Variants in CELA1 observed in about 807,000 individuals in gnomAD.
CELA1 encodes the protein chymotrypsin-like elastase family member 1.
A neutral mutation model predicts 34.8 loss-of-function variants in CELA1; 28 were observed. The ratio of observed to expected loss-of-function variants is 0.80; its 90% CI spans 0.60 to 1.10. The LOEUF (loss-of-function observed/expected upper bound fraction) is 1.10. Among genes scored for constraint, CELA1 ranks in the 50% least tolerant of loss-of-function variants. The probability of loss-of-function intolerance (pLI) is 0.00; values close to 1 mark genes in which losing one functional copy is unlikely to be tolerated. For missense variants in CELA1, 288 were observed against 327.5 expected (o/e 0.88, Z 0.93); for synonymous variants, 140 against 129.8 (o/e 1.08, Z -0.53).
At chr12:51,342,847 G>A in intron 3 of CELA1, 147 bp from the exon 4 acceptor site, 1 of 873,874 alleles carries the variant, frequency 1.1e-6, no homozygotes, top group South Asian at 2.0e-5. Context: ...GTTTTGCTGT[G>A]TTGCCCAGGC....
Position 51,339,947 on chromosome 12 carries a change from G to A in CELA1, c.522C>T (p.Ala174=). The A allele has an allele frequency of 3.7e-6, 6 of 1,614,166 alleles. No individual in the cohort carries two copies. Among genetic ancestry groups the A allele is most frequent in the Non-Finnish European group, 5.1e-6 (6 of 1,180,008 alleles). The stretch of plus-strand genomic sequence containing the variant: ...CCCAGTAGGAGGAGCTGGAGCAGAT[G>A]GCGTAGTCCACAGAGGGCAGGTAAG... ...QQAYLPSVDY[A]ICSSSSYWGS... is the part of the protein sequence containing the mutation. The change falls in exon 6 of 8, where the codon GCC becomes GCT. Residue 174 remains alanine (A), a synonymous_variant. Coordinates refer to ENST00000293636, the MANE Select transcript of CELA1 (RefSeq NM_001971.6).
chr12:51,339,476 C>CG (rs1946519698), intron 6 of CELA1, among the ~76,000 whole-genome samples: 2 of 152,034 alleles, frequency 1.3e-5, no homozygotes, highest in Non-Finnish European at 2.9e-5. Context: ...TGCTTGAACC[C>CG]AGAGGCGGAG....
At chr12:51,336,514 C>G (rs935769602) in intron 6 of CELA1, among the ~76,000 whole-genome samples, 1 of 152,142 alleles carries the variant, frequency 6.6e-6, no homozygotes, top group Non-Finnish European at 1.5e-5. Context: ...GTAATCCCGG[C>G]TACTTAGGAA....
At chr12:51,331,009 T>G (rs1592294894) in intron 6 of CELA1, among the ~76,000 whole-genome samples, 1 of 126,120 alleles carries the variant, frequency 7.9e-6, no homozygotes, top group Admixed American at 7.8e-5. Flanking sequence ...AATATAAAAA[T>G]AAAGATTGAA....
chr12:51,342,456 G>A (rs1397857163), intron 4 of CELA1, 119 bp downstream of exon 4: 12 of 1,428,930 alleles, frequency 8.4e-6, no homozygotes, highest in Middle Eastern at 2.0e-4. Context: ...CAGGAGCCAC[G>A]GACCAGGTTT....
At chr12:51,333,390 G>A (rs1431137697) in intron 6 of CELA1, among the ~76,000 whole-genome samples, 1 of 131,500 alleles carries the variant, frequency 7.6e-6, no homozygotes, top group Non-Finnish European at 1.6e-5. Flanking sequence ...CACTGAGCCC[G>A]ACTGTTTTTT....
At position 51,329,743 on chromosome 12, in the gene CELA1, CA is replaced by C; in HGVS notation, c.699del (p.Asn233LysfsTer19). 1 of 1,614,058 alleles carries C rather than the reference CA, an allele frequency of 6.2e-7. No individual in the cohort carries two copies. The highest frequency in any genetic ancestry group is 1.3e-5 in the African/African-American group (1 of 75,024). ...VTSFVSSRGC[N>X]VSRKPTVFTQ... The stretch of plus-strand genomic sequence containing the variant: ...GTGAAGACTGTAGGCTTCCTGGAGA[CA>C]TTACAGCCCCGGCTGGACACAAAGC... On this transcript the variant is annotated frameshift_variant, in exon 7 of 8. Coordinates refer to ENST00000293636, the MANE Select transcript of CELA1 (RefSeq NM_001971.6). LOFTEE classifies it high-confidence loss of function.
intron 4 of CELA1, among the ~76,000 whole-genome samples, chr12:51,342,266 C>T (rs192950063): frequency 2.6e-5 from 4 of 152,270 alleles, no homozygotes; most frequent in African/African-American, 9.6e-5. Flanking sequence ...AACTCCTGAC[C>T]TCAGGTGATC....
chr12:51,339,832 T>TG, intron 6 of CELA1, 28 bp downstream of exon 6: 6 of 1,568,270 alleles, frequency 3.8e-6, no homozygotes, highest in South Asian at 2.4e-5. Context: ...TGGCGGGACC[T>TG]GGGGTGGGAC....
intron 6 of CELA1, among the ~76,000 whole-genome samples, chr12:51,332,726 G>C (rs1386875017): frequency 6.6e-6 from 1 of 152,000 alleles, no homozygotes; most frequent in East Asian, 1.9e-4. Flanking sequence ...AAATTAGCCA[G>C]GTATGGTGGC....
Position 51,341,278 on chromosome 12 carries a change from A to G in CELA1, c.429T>C (p.Ser143=). The G allele has an allele frequency of 5.0e-6, 8 of 1,614,128 alleles. No homozygotes were observed. The highest frequency in any genetic ancestry group is 6.8e-6 in the Non-Finnish European group (8 of 1,180,030). ...PQEGAILANN[S]PCYITGWGKT... ...TGCCCCAGCCTGTGATGTAGCAGGG[A>G]CTGTTGTTAGCCAGGATGGCTCCCT... The change falls in exon 5 of 8, where the codon AGT becomes AGC. Residue 143 remains serine (S), a synonymous_variant. Transcript: ENST00000293636.
intron 7 of CELA1, among the ~76,000 whole-genome samples, chr12:51,329,308 C>A (rs118102372): frequency 1.8e-4 from 27 of 150,406 alleles, no homozygotes; most frequent in East Asian, 1.6e-3. Flanking sequence ...CTTAGAAAGA[C>A]GTTGTGGGAG....
intron 5 of CELA1, 124 bp downstream of exon 5, chr12:51,341,120 C>G: frequency 3.2e-6 from 3 of 939,902 alleles, no homozygotes; most frequent in Non-Finnish European, 5.0e-6. Flanking sequence ...GTTATTGTAT[C>G]TATGGTTCTT....
chr12:51,338,652 A>G (rs1946514898), intron 6 of CELA1, among the ~76,000 whole-genome samples: 1 of 152,172 alleles, frequency 6.6e-6, no homozygotes, highest in African/African-American at 2.4e-5. Flanking sequence ...TCACCTGTGC[A>G]CATCCTGATT....
chr12:51,328,728 A>T, intron 7 of CELA1, 134 bp from the exon 8 acceptor site: 1 of 923,038 alleles, frequency 1.1e-6, no homozygotes, highest in Non-Finnish European at 1.8e-6. Flanking sequence ...ACAGGGAGGC[A>T]GGAAGTCAGC....
intron 5 of CELA1, among the ~76,000 whole-genome samples, chr12:51,340,641 A>T (rs1946528642): frequency 6.6e-6 from 1 of 151,990 alleles, no homozygotes; most frequent in South Asian, 2.1e-4. Flanking sequence ...AGTACCTGGG[A>T]CTACAGACTC....
At chr12:51,330,333 G>C (rs1946462732) in intron 6 of CELA1, among the ~76,000 whole-genome samples, 1 of 152,190 alleles carries the variant, frequency 6.6e-6, no homozygotes, top group African/African-American at 2.4e-5. Flanking sequence ...GAATGAAGAG[G>C]AAAGTGATGT....
intron 2 of CELA1, among the ~76,000 whole-genome samples, chr12:51,344,496 T>C (rs1465503100): frequency 6.6e-6 from 1 of 151,360 alleles, no homozygotes; most frequent in African/African-American, 2.4e-5. Context: ...ATCAAGACCA[T>C]CCTGGCCAAC....
chr12:51,345,361 ACT>A (rs1331774395), intron 2 of CELA1, among the ~76,000 whole-genome samples: 1 of 152,112 alleles, frequency 6.6e-6, no homozygotes, highest in Non-Finnish European at 1.5e-5. Flanking sequence ...CAAAGTGGAA[ACT>A]CTAAATAGCC....
Sources: gnomAD v4.1 joint callset for allele counts (sites outside exome capture counted in the v4.1 genomes callset) on GRCh38, gnomAD v4.1.1 for gene constraint, MANE v1.5 for transcripts, NCBI Gene and HGNC (gene_info 2026-07-23, HGNC 2026-07-21) for gene names.